The following VWC2 variants were observed in gnomAD, a reference collection of about 807,000 sequenced individuals.
VWC2 encodes von Willebrand factor C domain containing 2.
Under a neutral mutation model 29.8 loss-of-function variants are expected in VWC2, and 14 were observed. The ratio of observed to expected loss-of-function variants is 0.47; its 90% CI spans 0.31 to 0.74. The LOEUF (loss-of-function observed/expected upper bound fraction) is 0.74, where lower values mean the gene tolerates loss of function less well. Among genes scored for constraint, VWC2 ranks in the 30% least tolerant of loss-of-function variants. VWC2 has a pLI of 0.05. For synonymous variants in VWC2, 213 were observed against 199.0 expected (o/e 1.07, Z -0.59); for missense variants, 457 against 459.8 (o/e 0.99, Z 0.05).
intron 3 of VWC2, among the ~76,000 whole-genome samples, chr7:49,807,384 G>C (rs1292839074): frequency 6.6e-6 from 1 of 152,154 alleles, no homozygotes; most frequent in Non-Finnish European, 1.5e-5. Flanking sequence ...CAAATATTTA[G>C]ACTCACTCCA....
intron 3 of VWC2, among the ~76,000 whole-genome samples, chr7:49,844,988 T>C (rs1311467578): frequency 6.6e-6 from 1 of 152,190 alleles, no homozygotes; most frequent in African/African-American, 2.4e-5. Flanking sequence ...CGGCCGGCAA[T>C]TCACTTTCGT....
At chr7:49,896,756 G>A (rs186211336) in intron 3 of VWC2, among the ~76,000 whole-genome samples, 15 of 151,754 alleles carry the variant, frequency 9.9e-5, no homozygotes, top group African/African-American at 3.4e-4. Context: ...TATTATCAGC[G>A]ACTCTATGCA....
At chr7:49,802,241 A>G (rs1788754923) in intron 2 of VWC2, among the ~76,000 whole-genome samples, 1 of 152,206 alleles carries the variant, frequency 6.6e-6, no homozygotes, top group Admixed American at 6.5e-5. Flanking sequence ...ACAACTCACC[A>G]AACACCCAGC....
chr7:49,880,950 G>A (rs530864093), intron 3 of VWC2, among the ~76,000 whole-genome samples: 9 of 152,238 alleles, frequency 5.9e-5, no homozygotes, highest in African/African-American at 2.2e-4. Context: ...AGTTTATCTG[G>A]CTTTGGTGTG....
intron 3 of VWC2, among the ~76,000 whole-genome samples, chr7:49,849,149 C>A (rs1221606257): frequency 6.6e-6 from 1 of 152,122 alleles, no homozygotes; most frequent in Non-Finnish European, 1.5e-5. Context: ...CAGTTCATAC[C>A]CTACAGTCCC....
At chr7:49,820,264 C>T (rs1480127725) in intron 3 of VWC2, among the ~76,000 whole-genome samples, 1 of 152,150 alleles carries the variant, frequency 6.6e-6, no homozygotes, top group Non-Finnish European at 1.5e-5. Context: ...TCACAGGCAA[C>T]TTCTCCACAC....
chr7:49,797,050 G>A (rs1022650855), intron 2 of VWC2, among the ~76,000 whole-genome samples: 2 of 152,122 alleles, frequency 1.3e-5, no homozygotes, highest in Non-Finnish European at 2.9e-5. Flanking sequence ...TACAGTCCTT[G>A]CTGTCTATGT....
At chr7:49,813,085 G>C (rs1789050471) in intron 3 of VWC2, among the ~76,000 whole-genome samples, 5 of 152,100 alleles carry the variant, frequency 3.3e-5, no homozygotes, top group African/African-American at 1.2e-4. Flanking sequence ...CTATTTTCTT[G>C]CCATGCAAAT....
intron 3 of VWC2, among the ~76,000 whole-genome samples, chr7:49,805,052 A>G (rs893184073): frequency 6.6e-6 from 1 of 152,236 alleles, no homozygotes; most frequent in African/African-American, 2.4e-5. Context: ...ATTTACAAAG[A>G]AGTAATTTAT....
intron 2 of VWC2, among the ~76,000 whole-genome samples, chr7:49,790,346 G>A (rs934402044): frequency 6.6e-6 from 1 of 152,208 alleles, no homozygotes; most frequent in African/African-American, 2.4e-5. Context: ...TGTGTTGTAT[G>A]TGGAGTTGTC....
intron 3 of VWC2, among the ~76,000 whole-genome samples, chr7:49,819,437 A>G (rs1789217523): frequency 6.6e-6 from 1 of 152,232 alleles, no homozygotes; most frequent in African/African-American, 2.4e-5. Context: ...AAGTCCTCTG[A>G]AACATGAGGG....
intron 3 of VWC2, among the ~76,000 whole-genome samples, chr7:49,888,653 G>A (rs934374808): frequency 4.6e-5 from 7 of 152,152 alleles, no homozygotes; most frequent in Non-Finnish European, 1.0e-4. Context: ...GCTCACCGCT[G>A]TAATCCCAGC....
At chr7:49,797,408 G>GA (rs1386985638) in intron 2 of VWC2, among the ~76,000 whole-genome samples, 9 of 152,134 alleles carry the variant, frequency 5.9e-5, no homozygotes, top group Admixed American at 1.3e-4. Flanking sequence ...AGTCATAGTG[G>GA]AAAAAAATAT....
intron 3 of VWC2, among the ~76,000 whole-genome samples, chr7:49,824,162 A>G (rs543200712): frequency 4.6e-5 from 7 of 152,178 alleles, no homozygotes; most frequent in African/African-American, 1.7e-4. Context: ...GGTCCTGTCT[A>G]TGAAATATTT....
At chr7:49,806,590 C>T (rs1295420374) in intron 3 of VWC2, among the ~76,000 whole-genome samples, 1 of 152,222 alleles carries the variant, frequency 6.6e-6, no homozygotes, top group Non-Finnish European at 1.5e-5. Flanking sequence ...ATTAAACATA[C>T]GTTCATGGGA....
intron 3 of VWC2, among the ~76,000 whole-genome samples, chr7:49,813,653 G>A (rs1164511537): frequency 6.6e-6 from 1 of 152,174 alleles, no homozygotes; most frequent in East Asian, 1.9e-4. Flanking sequence ...TATGTTTGGT[G>A]TATTCTACGG....
At chr7:49,877,996 T>C (rs1368156520) in intron 3 of VWC2, among the ~76,000 whole-genome samples, 1 of 152,118 alleles carries the variant, frequency 6.6e-6, no homozygotes, top group Non-Finnish European at 1.5e-5. Context: ...TTTCTTGATA[T>C]CTTTGGATGA....
rs1217086087 is a variant in VWC2, at chr7:49,775,637, G to A, written c.202G>A (p.Asp68Asn). ...RVNELGRPARDEGGSGRDWKS... is the reference protein window; with the variant it reads ...RVNELGRPARNEGGSGRDWKS... ...GAACGAGCTCGGGCGCCCGGCGAGGGACGAGGGCGGCAGCGGCCGGGACTG... is the reference window on the plus strand; with the variant it reads ...GAACGAGCTCGGGCGCCCGGCGAGGAACGAGGGCGGCAGCGGCCGGGACTG... The change falls in exon 2 of 4, where the codon GAC (aspartate) becomes AAC (asparagine). Residue 68 changes from aspartate (D) to asparagine (N), a missense_variant. Physicochemically the swap from Asp to Asn is conservative, Grantham distance 23. Coordinates refer to ENST00000340652, the MANE Select transcript of VWC2 (RefSeq NM_198570.5). 1 of 1,529,918 alleles carries A rather than the reference G, an allele frequency of 6.5e-7. No homozygotes were observed. The highest frequency in any genetic ancestry group is 2.0e-5 in the Admixed American group (1 of 50,004). 94.8% of individuals were successfully genotyped at this position (1,529,918 alleles called of 1,614,324 possible). A position where few individuals can be genotyped will look rare whatever the true frequency, so the allele number is the denominator to read the frequency against.
intron 3 of VWC2, among the ~76,000 whole-genome samples, chr7:49,896,642 C>G (rs1792396721): frequency 6.6e-6 from 1 of 151,518 alleles, no homozygotes; most frequent in African/African-American, 2.4e-5. Flanking sequence ...AAACACATAG[C>G]AAGACAAAGG....
Sources: gnomAD v4.1 joint callset for allele counts (sites outside exome capture counted in the v4.1 genomes callset) on GRCh38, gnomAD v4.1.1 for gene constraint, MANE v1.5 for transcripts, NCBI Gene and HGNC (gene_info 2026-07-23, HGNC 2026-07-21) for gene names.